FAM78B: variants seen among roughly 807,000 people sequenced by gnomAD.
The protein encoded by FAM78B is protein FAM78B.
A neutral mutation model predicts 20.0 loss-of-function variants in FAM78B; 10 were observed. The observed-to-expected ratio is 0.50, with a 90% confidence interval of 0.31 to 0.85. The LOEUF (loss-of-function observed/expected upper bound fraction) is 0.85, where lower values mean the gene tolerates loss of function less well. Among genes scored for constraint, FAM78B ranks in the 40% least tolerant of loss-of-function variants. FAM78B has a pLI of 0.05. For missense variants in FAM78B, 283 were observed against 345.0 expected, an observed-to-expected ratio of 0.82 and a Z score of 1.42; for synonymous variants, 135 against 132.8, an observed-to-expected ratio of 1.02 and a Z score of -0.12.
chr1:166,111,386 T>G (rs1323228992), intron 1 of FAM78B, among the ~76,000 whole-genome samples: 2 of 152,226 alleles, frequency 1.3e-5, no homozygotes, highest in East Asian at 3.8e-4. Context: ...GGTTATCAAG[T>G]TGAGAGGCCT....
At chr1:166,073,494 T>C (rs1317994925) in intron 1 of FAM78B, among the ~76,000 whole-genome samples, 1 of 148,250 alleles carries the variant, frequency 6.7e-6, no homozygotes, top group Non-Finnish European at 1.5e-5. Context: ...CCTTCCCTTC[T>C]TCCCTCTCTC....
chr1:166,153,905 T>A (rs746234429), intron 1 of FAM78B, among the ~76,000 whole-genome samples: 1 of 152,192 alleles, frequency 6.6e-6, no homozygotes, highest in Non-Finnish European at 1.5e-5. Context: ...TTCCCTCCCA[T>A]TCTTCCCCAA....
rs535575597 is a variant in FAM78B, at chr1:166,152,665, T to G, written c.263+13321A>C. ...GTTCTTGGTACTCTGGATTTATTTA[T>G]TTATTTATTTATTTATTTATTTATT... On this transcript the variant is annotated intron_variant, in intron 1 of 1. Coordinates refer to ENST00000354422, the MANE Select transcript of FAM78B (RefSeq NM_001017961.5). 2.1e-4 allele frequency among the ~76,000 whole-genome samples: 30 copies of G among 146,326 alleles called. 1 individual carries two copies. The South Asian group carries it at 6.2e-3, about 30-fold the overall frequency.
At chr1:166,118,078 A>G (rs1049750953) in intron 1 of FAM78B, among the ~76,000 whole-genome samples, 4 of 152,290 alleles carry the variant, frequency 2.6e-5, no homozygotes, top group African/African-American at 9.6e-5. Context: ...TCCTGGAGAC[A>G]AAGCTAGAAA....
intron 1 of FAM78B, among the ~76,000 whole-genome samples, chr1:166,137,561 A>C (rs1195856325): frequency 6.6e-6 from 1 of 151,922 alleles, no homozygotes; most frequent in Non-Finnish European, 1.5e-5. Context: ...CTATAGCTCC[A>C]CAAGTATGGA....
chr1:166,122,816 C>A (rs774690526), intron 1 of FAM78B, among the ~76,000 whole-genome samples: 1 of 152,082 alleles, frequency 6.6e-6, no homozygotes, highest in African/African-American at 2.4e-5. Flanking sequence ...TTATTTTTCC[C>A]CCTTCTTTGG....
At chr1:166,150,348 C>A (rs375807698) in intron 1 of FAM78B, among the ~76,000 whole-genome samples, 4 of 152,290 alleles carry the variant, frequency 2.6e-5, no homozygotes, top group African/African-American at 9.6e-5. Context: ...AGGCAGCTTG[C>A]TTTGAAAGAC....
chr1:166,132,854 G>A (rs1430008955), intron 1 of FAM78B, among the ~76,000 whole-genome samples: 1 of 152,188 alleles, frequency 6.6e-6, no homozygotes, highest in Non-Finnish European at 1.5e-5. Context: ...ACCAGCTTAT[G>A]AGTGTGACAA....
chr1:166,137,451 G>A (rs982633960), intron 1 of FAM78B, among the ~76,000 whole-genome samples: 12 of 151,830 alleles, frequency 7.9e-5, no homozygotes, highest in African/African-American at 2.9e-4. Flanking sequence ...TTACATAGCA[G>A]GACAGTAGCT....
At chr1:166,104,820 C>T (rs187713846) in intron 1 of FAM78B, among the ~76,000 whole-genome samples, 160 of 152,256 alleles carry the variant, frequency 1.1e-3, no homozygotes, top group African/African-American at 3.8e-3. Flanking sequence ...TATCAAGCTA[C>T]CAATGACTTT....
chr1:166,114,009 A>T (rs1654165601), intron 1 of FAM78B, among the ~76,000 whole-genome samples: 1 of 152,224 alleles, frequency 6.6e-6, no homozygotes, highest in Admixed American at 6.5e-5. Flanking sequence ...CACTAACCTG[A>T]AGACACCTGT....
chr1:166,145,524 G>C (rs911003335), intron 1 of FAM78B, among the ~76,000 whole-genome samples: 2 of 152,210 alleles, frequency 1.3e-5, no homozygotes, highest in African/African-American at 4.8e-5. Flanking sequence ...ATATTTGCCT[G>C]CCTCTCAGTT....
chr1:166,166,096 G>A lies in FAM78B; in HGVS notation c.153C>T (p.Ala51=). ...TGGGGGGCATGACCACGCGGGCGGA[G>A]GCTTTGAAGTAGGGGGTCTTGTAGC... ...VLRYKTPYFK[A]SARVVMPPIP... is the part of the protein sequence containing the mutation. The change falls in exon 1 of 2, where the codon GCC becomes GCT. Residue 51 remains alanine, a synonymous_variant. Transcript: ENST00000354422. The A allele has an allele frequency of 1.2e-6, 2 of 1,613,594 alleles. No homozygotes were observed. The highest frequency in any genetic ancestry group is 2.2e-5 in the South Asian group (2 of 91,022).
At chr1:166,100,830 A>T (rs1653483957) in intron 1 of FAM78B, among the ~76,000 whole-genome samples, 1 of 152,210 alleles carries the variant, frequency 6.6e-6, no homozygotes, top group Admixed American at 6.5e-5. Flanking sequence ...TGTCTGACAG[A>T]TTGGAAGACA....
At chr1:166,091,091 G>A (rs1231266873) in intron 1 of FAM78B, among the ~76,000 whole-genome samples, 2 of 152,150 alleles carry the variant, frequency 1.3e-5, no homozygotes, top group African/African-American at 4.8e-5. Context: ...CAGCAGAGGA[G>A]GAAGCAGCAT....
chr1:166,094,003 CTGTGTGTGTGTGTGTGTGTGTG>C (rs58213930), intron 1 of FAM78B, among the ~76,000 whole-genome samples: 5 of 125,594 alleles, frequency 4.0e-5, no homozygotes, highest in South Asian at 3.3e-4. Context: ...TTGCGAATGA[CTGTGTGTGTGTGTGTGTGTGTG>C]TGTGTGTGTG....
At chr1:166,076,313 T>C (rs890917106) in intron 1 of FAM78B, among the ~76,000 whole-genome samples, 72 of 152,176 alleles carry the variant, frequency 4.7e-4, no homozygotes, top group African/African-American at 1.7e-3. Flanking sequence ...TCTTGCCCAT[T>C]CTGGCCTCTG....
At chr1:166,056,682 C>G (rs1490059787), downstream of FAM78B, among the ~76,000 whole-genome samples, 1 of 152,144 alleles carries the variant, frequency 6.6e-6, no homozygotes, top group Non-Finnish European at 1.5e-5. Context: ...AATAATTTAG[C>G]AAAAGCAAAG....
intron 1 of FAM78B, among the ~76,000 whole-genome samples, chr1:166,161,060 G>A (rs1403379657): frequency 1.3e-5 from 2 of 152,234 alleles, no homozygotes; most frequent in Non-Finnish European, 2.9e-5. Flanking sequence ...ATATGGAAAC[G>A]TTCTGAGTTG....
Sources: allele counts gnomAD v4.1 joint callset (sites outside exome capture counted in the v4.1 genomes callset), GRCh38; gene constraint gnomAD v4.1.1; transcripts MANE v1.5; gene names NCBI Gene and HGNC (gene_info 2026-07-23, HGNC 2026-07-21).